EFCAB6: variants seen among roughly 807,000 people sequenced by gnomAD.
The protein encoded by EFCAB6 is EF-hand calcium-binding domain-containing protein 6.
Under a neutral mutation model 169.8 loss-of-function variants are expected in EFCAB6, and 156 were observed. The ratio of observed to expected loss-of-function variants is 0.92; its 90% CI spans 0.81 to 1.05. The LOEUF is 1.05. EFCAB6 is among the 50% of genes least tolerant of loss of function. EFCAB6 has a pLI of 0.00. For missense variants in EFCAB6, 1,800 were observed against 1,829.1 expected (o/e 0.98, Z 0.29); for synonymous variants, 698 against 676.4 (o/e 1.03, Z -0.50).
chr22:43,630,377 T>G (rs1387873106), intron 19 of EFCAB6, among the ~76,000 whole-genome samples: 3 of 152,146 alleles, frequency 2.0e-5, no homozygotes, highest in Non-Finnish European at 4.4e-5. Flanking sequence ...TTGAATGAAT[T>G]CATTATTTAA....
At chr22:43,552,553 T>C (rs1602213548) in intron 27 of EFCAB6, 1 of 152,376 alleles carries the variant, frequency 6.6e-6, no homozygotes, top group Non-Finnish European at 1.5e-5. Flanking sequence ...ATTTCTCTAA[T>C]GCTCAGTGAT....
At chr22:43,669,810 T>G (rs1279566560) in intron 15 of EFCAB6, among the ~76,000 whole-genome samples, 2 of 152,170 alleles carry the variant, frequency 1.3e-5, no homozygotes, top group Non-Finnish European at 1.5e-5. Flanking sequence ...GCTCACAAAG[T>G]GTGGTCTGAG....
chr22:43,591,239 C>T (rs2051520523), intron 23 of EFCAB6, among the ~76,000 whole-genome samples: 4 of 150,232 alleles, frequency 2.7e-5, no homozygotes, highest in Admixed American at 2.6e-4. Flanking sequence ...GGGTAGATCA[C>T]GAGGTCAGGA....
intron 21 of EFCAB6, among the ~76,000 whole-genome samples, chr22:43,613,751 C>T (rs1047895968): frequency 6.6e-6 from 1 of 152,118 alleles, no homozygotes; most frequent in Non-Finnish European, 1.5e-5. Context: ...ACACATATCC[C>T]TGAACCTAAA....
intron 27 of EFCAB6, among the ~76,000 whole-genome samples, chr22:43,548,298 G>T (rs1016786614): frequency 4.0e-5 from 6 of 151,870 alleles, no homozygotes; most frequent in African/African-American, 1.2e-4. Flanking sequence ...AGCCCTTTGG[G>T]ATTAGGCCAA....
rs137802 is a variant in EFCAB6, at chr22:43,690,343, CAAAAA to C, written c.1032-2767_1032-2763del. Among the ~76,000 whole-genome samples the C allele has an allele frequency of 1.3e-3, 120 of 95,848 alleles. 2 individuals carry two copies. The highest frequency in any genetic ancestry group is 3.6e-3 in the African/African-American group (86 of 24,218). 62.9% of individuals were successfully genotyped at this position (95,848 alleles called of 152,430 possible). A position where few individuals can be genotyped will look rare whatever the true frequency, so the allele number is the denominator to read the frequency against. On this transcript the variant is annotated intron_variant, in intron 10 of 31. Coordinates refer to ENST00000262726, the MANE Select transcript of EFCAB6 (RefSeq NM_022785.4). ...TGAAACCCCGTCTCTACTAAAAATACAAAAAAAAAAAAAAAAAAAAAAATTAGCCG... is the reference window on the plus strand; with the variant it reads ...TGAAACCCCGTCTCTACTAAAAATACAAAAAAAAAAAAAAAAAATTAGCCG...
At chr22:43,811,570 C>T (rs933430147) in intron 1 of EFCAB6, among the ~76,000 whole-genome samples, 8 of 152,068 alleles carry the variant, frequency 5.3e-5, no homozygotes, top group Non-Finnish European at 1.2e-4. Context: ...AACAAAATTT[C>T]TGAGGGAGGC....
intron 23 of EFCAB6, among the ~76,000 whole-genome samples, chr22:43,590,818 T>C (rs1255493044): frequency 1.3e-5 from 2 of 151,652 alleles, no homozygotes; most frequent in Non-Finnish European, 2.9e-5. Flanking sequence ...GCTCTTTTTC[T>C]TGAGCAAAGA....
intron 23 of EFCAB6, among the ~76,000 whole-genome samples, chr22:43,597,037 T>C (rs973836416): frequency 6.6e-6 from 1 of 151,992 alleles, no homozygotes; most frequent in African/African-American, 2.4e-5. Context: ...CTGGGAAAAA[T>C]GAATAGCCAC....
intron 2 of EFCAB6, among the ~76,000 whole-genome samples, chr22:43,784,897 G>T (rs2148065591): frequency 6.7e-6 from 1 of 150,254 alleles, no homozygotes; most frequent in Non-Finnish European, 1.5e-5. Flanking sequence ...TTTTTAAAAA[G>T]AAAGAAACAA....
Position 43,716,965 on chromosome 22 carries a change from C to G in EFCAB6, c.765G>C (p.Ser255=). Residue 255 remains serine, a synonymous_variant, in exon 9 of 32, where the codon TCG becomes TCC. Transcript: ENST00000262726. The stretch of plus-strand genomic sequence containing the variant: ...AATTTTTGGCTTGTTGATTCTCCAA[C>G]GAGACCTCTGTTGAAACAAAATAGC... The part of the protein sequence containing the change: ...LRYCMGNQEV[S]LENQQAKNSK... 2 of 1,546,924 alleles carry G rather than the reference C, an allele frequency of 1.3e-6. No individual in the cohort carries two copies. Among genetic ancestry groups the G allele is most frequent in the African/African-American group, 2.8e-5 (2 of 72,280 alleles).
chr22:43,615,860 G>A lies in EFCAB6; in HGVS notation c.2528C>T (p.Thr843Ile). ...ACEQAHQYLV[T>I]KAKNRWSDLS... ...GTCTGACCATCTGTTTTTTGCTTTGGTAACAAGATACTGATGAGCCTGCTC... is the reference window on the plus strand; with the variant it reads ...GTCTGACCATCTGTTTTTTGCTTTGATAACAAGATACTGATGAGCCTGCTC... Residue 843 changes from threonine to isoleucine, a missense_variant, in exon 21 of 32, where the codon ACC (threonine) becomes ATC (isoleucine). Coordinates refer to ENST00000262726, the MANE Select transcript of EFCAB6 (RefSeq NM_022785.4). 1 of 1,612,868 alleles carries A rather than the reference G, an allele frequency of 6.2e-7. No homozygotes were observed. Among genetic ancestry groups the A allele is most frequent in the Non-Finnish European group, 8.5e-7 (1 of 1,179,598 alleles).
At chr22:43,545,299 T>C (rs1043857576) in intron 27 of EFCAB6, among the ~76,000 whole-genome samples, 1 of 152,176 alleles carries the variant, frequency 6.6e-6, no homozygotes, top group Non-Finnish European at 1.5e-5. Flanking sequence ...AAAGATCCTA[T>C]GTCTGGAAAA....
At chr22:43,584,050 G>T (rs925466313) in intron 24 of EFCAB6, among the ~76,000 whole-genome samples, 9 of 152,140 alleles carry the variant, frequency 5.9e-5, no homozygotes, top group African/African-American at 2.2e-4. Flanking sequence ...TAATAAAATG[G>T]TATTTAATAG....
chr22:43,673,684 G>A (rs535174360), intron 13 of EFCAB6, among the ~76,000 whole-genome samples: 6 of 152,116 alleles, frequency 3.9e-5, no homozygotes, highest in South Asian at 4.1e-4. Flanking sequence ...GGAGGCTGTC[G>A]CAGGAGAATC....
intron 2 of EFCAB6, among the ~76,000 whole-genome samples, chr22:43,791,077 G>C (rs1213128979): frequency 6.6e-6 from 1 of 152,192 alleles, no homozygotes; most frequent in African/African-American, 2.4e-5. Flanking sequence ...ACATGAGTTT[G>C]AGTTCAAGGG....
chr22:43,723,853 T>C (rs902551618), intron 8 of EFCAB6, among the ~76,000 whole-genome samples: 1 of 152,096 alleles, frequency 6.6e-6, no homozygotes, highest in Non-Finnish European at 1.5e-5. Flanking sequence ...GGGGGCAGAG[T>C]CCGGAGATGG....
chr22:43,747,630 C>T (rs1225423190), intron 6 of EFCAB6, among the ~76,000 whole-genome samples: 1 of 152,158 alleles, frequency 6.6e-6, no homozygotes, highest in Admixed American at 6.5e-5. Context: ...AGACATCTTT[C>T]TTCCTGGCAA....
chr22:43,782,431 A>G (rs1158168724), intron 2 of EFCAB6, 106 bp from the exon 3 acceptor site: 3 of 925,358 alleles, frequency 3.2e-6, no homozygotes, highest in African/African-American at 3.3e-5. Context: ...GCAGAGTGTA[A>G]AAATGATGCT....
Sources: gnomAD v4.1 joint callset for allele counts (sites outside exome capture counted in the v4.1 genomes callset) on GRCh38, gnomAD v4.1.1 for gene constraint, MANE v1.5 for transcripts, NCBI Gene and HGNC (gene_info 2026-07-23, HGNC 2026-07-21) for gene names.